EMILIN2: variants seen among roughly 807,000 people sequenced by gnomAD.
EMILIN2 encodes EMILIN-2.
Under a neutral mutation model 87.1 loss-of-function variants are expected in EMILIN2, and 71 were observed. That is an observed-to-expected ratio of 0.82 (90% confidence interval 0.67 to 0.99). EMILIN2 has a LOEUF of 0.99. EMILIN2 is among the 50% of genes least tolerant of loss of function. The pLI is 0.00. For missense variants in EMILIN2, 1,407 were observed against 1,371.8 expected (o/e 1.03, Z -0.40); for synonymous variants, 581 against 563.4 (o/e 1.03, Z -0.44).
intron 4 of EMILIN2, among the ~76,000 whole-genome samples, chr18:2,899,848 C>CT (rs1403478738): frequency 1.3e-5 from 2 of 152,216 alleles, no homozygotes; most frequent in African/African-American, 2.4e-5. Flanking sequence ...CCAAGAGCTG[C>CT]TGATGCTCAG....
chr18:2,906,911 C>G lies in EMILIN2; in HGVS notation c.2488C>G (p.Pro830Ala). 7.2e-7 allele frequency: 1 copy of G among 1,392,900 alleles called. No individual in the cohort carries two copies. The highest frequency in any genetic ancestry group is 9.3e-7 in the Non-Finnish European group (1 of 1,070,776). 86.3% of individuals were successfully genotyped at this position (1,392,900 alleles called of 1,614,324 possible). A position where few individuals can be genotyped will look rare whatever the true frequency, so the allele number is the denominator to read the frequency against. Residue 830 changes from proline to alanine, a missense_variant, in exon 5 of 8, where the codon CCC becomes GCC. Coordinates refer to ENST00000254528, the MANE Select transcript of EMILIN2 (RefSeq NM_032048.3). ...PGRRPVLPQR[P>A]PEERPPQPPG... is the part of the protein sequence containing the mutation. ...GCGACGGCCCGTCCTGCCCCAGCGG[C>G]CCCCCGAGGAGAGGCCGCCCCAGCC...
intron 4 of EMILIN2, among the ~76,000 whole-genome samples, chr18:2,897,808 G>A (rs1045182981): frequency 4.0e-5 from 6 of 150,606 alleles, no homozygotes; most frequent in Non-Finnish European, 7.4e-5. Flanking sequence ...GCTGCAGTGA[G>A]CTATGATCAC....
intron 7 of EMILIN2, among the ~76,000 whole-genome samples, chr18:2,910,227 C>T (rs1171193752): frequency 3.9e-5 from 6 of 152,164 alleles, no homozygotes; most frequent in East Asian, 1.9e-4. Flanking sequence ...CCAGGACAAG[C>T]GGGAGGCTCC....
chr18:2,847,941 G>C lies in EMILIN2; in HGVS notation c.257+10G>C. ...GTCCGTCGGCGCTGGTGTAAGTCCT[G>C]GAGCCGGGGAGCGGGCGGGGCGCGC... On this transcript the variant is annotated intron_variant, in intron 2 of 7. Coordinates refer to ENST00000254528, the MANE Select transcript of EMILIN2 (RefSeq NM_032048.3). The surrounding 1 kb of genome is among the most constrained non-coding windows in gnomAD (Gnocchi z 4.5). 1 of 1,605,042 alleles carries C rather than the reference G, an allele frequency of 6.2e-7. No individual in the cohort carries two copies. The highest frequency in any genetic ancestry group is 8.5e-7 in the Non-Finnish European group (1 of 1,177,818).
At position 2,909,814 on chromosome 18, in the gene EMILIN2, G is replaced by A. The variant is rs1306368017; in HGVS notation, c.2819G>A (p.Ser940Asn). 2.5e-6 allele frequency: 4 copies of A among 1,613,248 alleles called. No homozygotes were observed. The highest frequency in any genetic ancestry group is 3.4e-6 in the Non-Finnish European group (4 of 1,179,692). Residue 940 changes from serine to asparagine, a missense_variant, in exon 7 of 8, where the codon AGC (serine) becomes AAC (asparagine). Physicochemically the swap from Ser to Asn is conservative, Grantham distance 46. Transcript: ENST00000254528. The part of the protein sequence containing the change: ...LVNDGDVYNP[S>N]TGVFTAPYDG... ...AACGACGGGGATGTTTACAACCCCA[G>A]CACCGGTGAGTGTTTGAACGGAACT...
rs532207587 is a variant in EMILIN2, at chr18:2,877,512, G to A, written c.258-7452G>A. On this transcript the variant is annotated intron_variant, in intron 2 of 7. Coordinates refer to ENST00000254528, the MANE Select transcript of EMILIN2 (RefSeq NM_032048.3). ...GAAAATCAGTCTACTGGCTGGGCGC[G>A]GTGGCCTGTTATCCCAACACTTTGG... Among the ~76,000 whole-genome samples, 285 of 150,470 alleles carry A rather than the reference G, an allele frequency of 1.9e-3. 2 individuals carry two copies. Among genetic ancestry groups the A allele is most frequent in the African/African-American group, 6.4e-3 (263 of 40,998 alleles).
At chr18:2,876,574 G>A (rs1357644829) in intron 2 of EMILIN2, among the ~76,000 whole-genome samples, 2 of 142,576 alleles carry the variant, frequency 1.4e-5, no homozygotes, top group Non-Finnish European at 3.1e-5. Context: ...AGACCATCCT[G>A]GCTAACACGG....
Position 2,892,089 on chromosome 18 carries a change from C to T in EMILIN2, c.1962C>T (p.Asp654=). Residue 654 remains aspartate (D), a synonymous_variant, in exon 4 of 8, where the codon GAC becomes GAT. Coordinates refer to ENST00000254528, the MANE Select transcript of EMILIN2 (RefSeq NM_032048.3). Reference sequence around the variant, plus strand: ...TGGGTGAGCAAGAAAGGACAGTGGACACCCTGCCGTCCCCCCAGCACCCCG... The same window carrying T: ...TGGGTGAGCAAGAAAGGACAGTGGATACCCTGCCGTCCCCCCAGCACCCCG... ...TKVGEQERTV[D]TLPSPQHPVA... The T allele has an allele frequency of 6.2e-7, 1 of 1,614,020 alleles. No individual in the cohort carries two copies. Among genetic ancestry groups the T allele is most frequent in the Non-Finnish European group, 8.5e-7 (1 of 1,179,902 alleles).
Position 2,891,199 on chromosome 18 carries a change from T to TA in EMILIN2, c.1073dup (p.Tyr358Ter). 3 of 1,614,162 alleles carry TA rather than the reference T, an allele frequency of 1.9e-6. No individual in the cohort carries two copies. The highest frequency in any genetic ancestry group is 2.5e-6 in the Non-Finnish European group (3 of 1,180,030). The change falls in exon 4 of 8, where the codon TAT (tyrosine) becomes TAAT (stop). Residue 358 changes from tyrosine (Y) to a stop codon, truncating the protein, a stop_gained and frameshift_variant. Transcript: ENST00000254528. LOFTEE classifies it high-confidence loss of function. The surrounding 1 kb of genome is among the most constrained non-coding windows in gnomAD (Gnocchi z 4.6). ...TGGCCTCCAGCAGCAGTGTGATGAC[T>TA]ATGGGAGCAGCTACCTGGGAGTGAT... ...LTGLQQQCDDYGSSYLGVIEL... is the reference protein window; with the variant it reads ...LTGLQQQCDD
At chr18:2,877,947 C>T (rs760022873) in intron 2 of EMILIN2, among the ~76,000 whole-genome samples, 11 of 152,084 alleles carry the variant, frequency 7.2e-5, no homozygotes, top group African/African-American at 1.4e-4. Context: ...ATAAGCCAGT[C>T]GCAAAGAGAC....
At chr18:2,854,268 A>G (rs369467213) in intron 2 of EMILIN2, among the ~76,000 whole-genome samples, 1 of 152,028 alleles carries the variant, frequency 6.6e-6, no homozygotes, top group South Asian at 2.1e-4. Context: ...TCTTTTTCTA[A>G]AAAGATCTTA....
rs56330434 is a variant in EMILIN2 at position 2,914,414 on chromosome 18, C to G, written c.*1010C>G. 1 of 152,186 alleles carries G rather than the reference C, an allele frequency of 6.6e-6. No individual in the cohort carries two copies. The highest frequency in any genetic ancestry group is 1.5e-5 in the Non-Finnish European group (1 of 68,040). 9.4% of individuals were successfully genotyped at this position (152,186 alleles called of 1,614,324 possible). ...CCAATCTCCAGCAGACACAGCTCGC[C>G]GAGCTCTTGGGTTTCTAAGCAGCAG... On this transcript the variant is annotated 3_prime_UTR_variant, in exon 8 of 8. Transcript: ENST00000254528.
intron 2 of EMILIN2, among the ~76,000 whole-genome samples, chr18:2,882,183 G>A (rs1354715968): frequency 6.6e-6 from 1 of 152,208 alleles, no homozygotes; most frequent in Non-Finnish European, 1.5e-5. Context: ...CTTGGTGGAG[G>A]TGGACAGCAA....
intron 2 of EMILIN2, among the ~76,000 whole-genome samples, chr18:2,868,808 A>G (rs1598489575): frequency 1.3e-5 from 2 of 152,200 alleles, no homozygotes. Flanking sequence ...GGAGAGGGAG[A>G]GGGAGACCAA....
chr18:2,864,606 C>A (rs1224002707), intron 2 of EMILIN2, among the ~76,000 whole-genome samples: 5 of 152,212 alleles, frequency 3.3e-5, no homozygotes, highest in Admixed American at 3.3e-4. Flanking sequence ...TGATGGGCTT[C>A]CCTTTGTGGG....
At chr18:2,878,984 G>A (rs905448619) in intron 2 of EMILIN2, among the ~76,000 whole-genome samples, 3 of 152,164 alleles carry the variant, frequency 2.0e-5, no homozygotes, top group African/African-American at 7.2e-5. Flanking sequence ...ATAAAACCCA[G>A]GTCAGTGCTG....
At chr18:2,885,196 TCAAA>T in intron 3 of EMILIN2, 57 bp downstream of exon 3, 1 of 1,494,530 alleles carries the variant, frequency 6.7e-7, no homozygotes, top group South Asian at 1.4e-5. Flanking sequence ...CGGTGCTCCT[TCAAA>T]CAACAGGATT....
intron 2 of EMILIN2, among the ~76,000 whole-genome samples, chr18:2,877,095 G>A (rs902244522): frequency 2.0e-5 from 3 of 152,190 alleles, no homozygotes; most frequent in Admixed American, 6.5e-5. Context: ...TCTGGAGTGG[G>A]AGACTGTTTC....
chr18:2,865,706 G>T (rs557472628), intron 2 of EMILIN2, among the ~76,000 whole-genome samples: 2 of 152,194 alleles, frequency 1.3e-5, no homozygotes, highest in African/African-American at 4.8e-5. Context: ...CTCCAGCTGT[G>T]TGCTGGGAGA....
Sources: allele counts gnomAD v4.1 joint callset (sites outside exome capture counted in the v4.1 genomes callset), GRCh38; gene constraint gnomAD v4.1.1; non-coding constraint Gnocchi (gnomAD v3.1); transcripts MANE v1.5; gene names NCBI Gene and HGNC (gene_info 2026-07-23, HGNC 2026-07-21).